DNA2: variants seen among roughly 807,000 people sequenced by gnomAD.
The protein encoded by DNA2 is DNA replication ATP-dependent helicase/nuclease DNA2.
Under a neutral mutation model 119.1 loss-of-function variants are expected in DNA2, and 101 were observed. The observed-to-expected ratio is 0.85, with a 90% CI of 0.72 to 1.00. DNA2 has a LOEUF of 1.00. Ranked by LOEUF, DNA2 falls within the 50% of genes least tolerant of loss-of-function variation. The probability of loss-of-function intolerance (pLI) is 0.00; values close to 1 mark genes in which losing one functional copy is unlikely to be tolerated. For synonymous variants in DNA2, 366 were observed against 424.4 expected (o/e 0.86, Z 1.69); for missense variants, 1,121 against 1,255.5 (o/e 0.89, Z 1.62).
chr10:68,446,402 G>GTC lies in DNA2; in HGVS notation c.950_951insGA (p.Tyr317Ter). The change falls in exon 7 of 21, where the codon TAC (tyrosine) becomes TAGAC (stop). Residue 317 changes from tyrosine to a stop codon, truncating the protein, a stop_gained and frameshift_variant. Transcript: ENST00000358410. LOFTEE classifies it high-confidence loss of function. ...SIEHRSQVVL[Y>*]TLLSQERRAD... ...CTCTTCTCTCTTGGCTTAGTAGAGTGTACAGAACAACCTGTGCAAACATTG... is the reference window on the plus strand; with the variant it reads ...CTCTTCTCTCTTGGCTTAGTAGAGTGTCTACAGAACAACCTGTGCAAACATTG... 6.3e-7 allele frequency: 1 copy of GTC among 1,582,734 alleles called. No homozygotes were observed. Among genetic ancestry groups the GTC allele is most frequent in the Non-Finnish European group, 8.6e-7 (1 of 1,162,712 alleles).
At chr10:68,431,653 G>C (rs1469562667) in intron 13 of DNA2, among the ~76,000 whole-genome samples, 2 of 152,202 alleles carry the variant, frequency 1.3e-5, no homozygotes, top group Admixed American at 6.5e-5. Context: ...AACGGAAAGC[G>C]ATCTTAGAAA....
intron 3 of DNA2, among the ~76,000 whole-genome samples, chr10:68,466,932 T>C (rs574855480): frequency 5.7e-4 from 86 of 152,206 alleles, no homozygotes; most frequent in African/African-American, 1.9e-3. Flanking sequence ...CTCATGCCTA[T>C]AGTCCCAGCT....
chr10:68,452,563 T>A (rs972054514), intron 5 of DNA2, among the ~76,000 whole-genome samples: 1 of 144,578 alleles, frequency 6.9e-6, no homozygotes, highest in African/African-American at 2.8e-5. Context: ...AGAAGCAATG[T>A]GGCTTTATTA....
chr10:68,454,050 G>A (rs1370420777), intron 5 of DNA2, among the ~76,000 whole-genome samples: 1 of 152,096 alleles, frequency 6.6e-6, no homozygotes, highest in Non-Finnish European at 1.5e-5. Context: ...ATCCCTTGCT[G>A]ACCTATCCTA....
At chr10:68,462,480 G>C (rs1041426502) in intron 4 of DNA2, among the ~76,000 whole-genome samples, 2 of 152,134 alleles carry the variant, frequency 1.3e-5, no homozygotes, top group African/African-American at 4.8e-5. Context: ...ATAAACAAAA[G>C]CTCTTTCCAG....
At chr10:68,458,065 C>T (rs544663883) in intron 5 of DNA2, among the ~76,000 whole-genome samples, 1 of 151,682 alleles carries the variant, frequency 6.6e-6, no homozygotes, top group East Asian at 1.9e-4. Context: ...CCCAGCTACT[C>T]AGGAGGCTGA....
intron 17 of DNA2, among the ~76,000 whole-genome samples, 179 bp from the exon 18 acceptor site, chr10:68,420,071 G>A (rs956466159): frequency 2.0e-5 from 3 of 152,164 alleles, no homozygotes; most frequent in Admixed American, 1.3e-4. Context: ...AGAAAGCCAC[G>A]CAGAGGCCAC....
At chr10:68,417,169 G>A (rs946297405) in intron 19 of DNA2, among the ~76,000 whole-genome samples, 6 of 151,584 alleles carry the variant, frequency 4.0e-5, no homozygotes, top group Non-Finnish European at 8.8e-5. Flanking sequence ...ACTGAGCCAG[G>A]GCTGCTTGAG....
At chr10:68,447,151 A>G (rs930981578) in intron 6 of DNA2, among the ~76,000 whole-genome samples, 2 of 152,176 alleles carry the variant, frequency 1.3e-5, no homozygotes, top group Non-Finnish European at 2.9e-5. Flanking sequence ...ACAAAAATTT[A>G]AAAGCATAAA....
chr10:68,431,914 G>A lies in DNA2; in HGVS notation c.1931C>T (p.Thr644Ile), dbSNP rs775059467. The A allele has an allele frequency of 1.2e-6, 2 of 1,613,884 alleles. No individual in the cohort carries two copies. The highest frequency in any genetic ancestry group is 1.7e-6 in the Non-Finnish European group (2 of 1,179,834). The change falls in exon 13 of 21, where the codon ACA becomes ATA. Residue 644 changes from threonine (T) to isoleucine (I), a missense_variant. Coordinates refer to ENST00000358410, the MANE Select transcript of DNA2 (RefSeq NM_001080449.3). ...TGTCCCAGGCATACCCACGATGAGT[G>A]TGTAGTCTTTTGAAAGAAGTACCTT... ...MKKVLLSKDY[T>I]LIVGMPGTGK...
chr10:68,468,918 C>T (rs781326643), intron 2 of DNA2, among the ~76,000 whole-genome samples: 4 of 151,994 alleles, frequency 2.6e-5, no homozygotes, highest in Admixed American at 6.6e-5. Flanking sequence ...GGCGTGGTGG[C>T]GGACGCCTGT....
chr10:68,424,701 C>A, intron 14 of DNA2: 8 of 1,605,612 alleles, frequency 5.0e-6, no homozygotes, highest in Admixed American at 1.7e-5. Flanking sequence ...CCGCTCCACA[C>A]CCATCCGCAA....
At chr10:68,435,051 A>AT (rs766652426) in intron 10 of DNA2, among the ~76,000 whole-genome samples, 1,685 of 147,826 alleles carry the variant, frequency 0.011, 44 homozygotes, top group African/African-American at 0.039. Context: ...CTCTGCCACA[A>AT]TTTTTTTTTT....
intron 17 of DNA2, among the ~76,000 whole-genome samples, chr10:68,420,557 A>G (rs1315858454): frequency 6.6e-6 from 1 of 152,084 alleles, no homozygotes; most frequent in Non-Finnish European, 1.5e-5. Flanking sequence ...AAACAAACTT[A>G]GATCTGGGTC....
At chr10:68,472,258 A>G, upstream of DNA2, 1 of 1,111,080 alleles carries the variant, frequency 9.0e-7, no homozygotes, top group Non-Finnish European at 1.1e-6. Context: ...TAGTTTGAAC[A>G]CAACCTTTAC....
intron 19 of DNA2, among the ~76,000 whole-genome samples, chr10:68,417,590 T>G (rs1340766306): frequency 1.3e-5 from 2 of 149,518 alleles, no homozygotes; most frequent in Non-Finnish European, 3.0e-5. Context: ...GAGGTGGATA[T>G]TACAGTGAGC....
intron 5 of DNA2, among the ~76,000 whole-genome samples, 196 bp from the exon 6 acceptor site, chr10:68,450,443 T>C (rs1211209134): frequency 6.6e-6 from 1 of 152,098 alleles, no homozygotes; most frequent in Non-Finnish European, 1.5e-5. Context: ...TAAAAGTAAA[T>C]CCTCAAGACC....
chr10:68,419,933 T>C (rs1268247546), intron 17 of DNA2, 41 bp from the exon 18 acceptor site: 2 of 1,526,794 alleles, frequency 1.3e-6, no homozygotes, highest in East Asian at 2.2e-5. Context: ...ATACAATCTC[T>C]AAAGAGTACT....
At position 68,419,122 on chromosome 10, in the gene DNA2, A is replaced by T; in HGVS notation, c.2879T>A (p.Met960Lys). 1 of 1,613,492 alleles carries T rather than the reference A, an allele frequency of 6.2e-7. No individual in the cohort carries two copies. The highest frequency in any genetic ancestry group is 8.5e-7 in the Non-Finnish European group (1 of 1,179,648). The change falls in exon 19 of 21, where the codon ATG becomes AAG. Residue 960 changes from methionine to lysine, a missense_variant. By Grantham distance (95) the Met-to-Lys change is moderately conservative. Coordinates refer to ENST00000358410, the MANE Select transcript of DNA2 (RefSeq NM_001080449.3). ...INDLLARSIG[M>K]VEVNTVDKYQ... ...TTTGTCTACTGTATTAACTTCGACCATCCCAATAGAACGTGCCAATAAATC... is the reference window on the plus strand; with the variant it reads ...TTTGTCTACTGTATTAACTTCGACCTTCCCAATAGAACGTGCCAATAAATC...
Sources: gnomAD v4.1 joint callset for allele counts (sites outside exome capture counted in the v4.1 genomes callset) on GRCh38, gnomAD v4.1.1 for gene constraint, MANE v1.5 for transcripts, NCBI Gene and HGNC (gene_info 2026-07-23, HGNC 2026-07-21) for gene names.